Variants in OR2J2 observed in about 807,000 individuals in gnomAD.
OR2J2 encodes olfactory receptor 2J2.
In OR2J2, 13 loss-of-function variants were observed where a neutral mutation model predicts 16.9. The observed-to-expected ratio is 0.77, with a 90% CI of 0.50 to 1.23. The LOEUF (loss-of-function observed/expected upper bound fraction) is 1.23, where lower values mean the gene tolerates loss of function less well. Among genes scored for constraint, OR2J2 ranks in the 50% most tolerant of loss-of-function variants. OR2J2 has a pLI of 0.00. For missense variants in OR2J2, 341 were observed against 379.1 expected (o/e 0.90, Z 0.84); for synonymous variants, 125 against 141.2 (o/e 0.89, Z 0.81).
At chr6:29,173,090 AT>A (rs1429550249) in intron 1 of OR2J2, among the ~76,000 whole-genome samples, 2 of 152,098 alleles carry the variant, frequency 1.3e-5, no homozygotes, top group African/African-American at 4.8e-5. Flanking sequence ...TGATTTGTGC[AT>A]TATTTTATTT....
In OR2J2 at chr6:29,174,172, C is replaced by G; in HGVS notation, c.537C>G (p.Phe179Leu). The change falls in exon 2 of 2, where the codon TTC (phenylalanine) becomes TTG (leucine). Residue 179 changes from phenylalanine (F) to leucine (L), a missense_variant. By Grantham distance (22) the Phe-to-Leu change is conservative. Coordinates refer to ENST00000641417, the MANE Select transcript of OR2J2 (RefSeq NM_030905.3). ...LCGHRLVDHFFCEVPALLRLS... is the reference protein window; with the variant it reads ...LCGHRLVDHFLCEVPALLRLS... Reference sequence around the variant, plus strand: ...GACATCGCCTAGTGGATCACTTCTTCTGTGAAGTTCCAGCACTTCTGCGTT... The same window carrying G: ...GACATCGCCTAGTGGATCACTTCTTGTGTGAAGTTCCAGCACTTCTGCGTT... The G allele has an allele frequency of 1.9e-6, 3 of 1,613,828 alleles. No homozygotes were observed. Among genetic ancestry groups the G allele is most frequent in the African/African-American group, 1.3e-5 (1 of 74,954 alleles).
Position 29,173,987 on chromosome 6 carries a change from G to C in OR2J2, c.352G>C (p.Val118Leu). 1 of 1,612,234 alleles carries C rather than the reference G, an allele frequency of 6.2e-7. No homozygotes were observed. Among genetic ancestry groups the C allele is most frequent in the Non-Finnish European group, 8.5e-7 (1 of 1,179,546 alleles). Residue 118 changes from valine (V) to leucine (L), a missense_variant, in exon 2 of 2, where the codon GTG becomes CTG. Coordinates refer to ENST00000641417, the MANE Select transcript of OR2J2 (RefSeq NM_030905.3). ...LGITECVLLV[V>L]MSYDRYVAVC... ...AATCACAGAGTGTGTCCTACTGGTGGTGATGTCATATGATCGTTATGTAGC... is the reference window on the plus strand; with the variant it reads ...AATCACAGAGTGTGTCCTACTGGTGCTGATGTCATATGATCGTTATGTAGC...
At chr6:29,173,250 C>T in intron 1 of OR2J2, 1 of 169,602 alleles carries the variant, frequency 5.9e-6, no homozygotes, top group Non-Finnish European at 1.2e-5. Context: ...AGTAAGACTG[C>T]TGTTATTCCT....
chr6:29,170,988 G>A lies in OR2J2; in HGVS notation c.-135G>A, dbSNP rs980210073. 6.6e-6 allele frequency: 1 copy of A among 152,072 alleles called. No individual in the cohort carries two copies. The allele number at this position is 152,072 out of a possible 1,614,324, so 9.4% of individuals were successfully genotyped here. A position where few individuals can be genotyped will look rare whatever the true frequency, so the allele number is the denominator to read the frequency against. ...ACATTGGCAAAAATGTTATAAGAAG[G>A]CAATTAGGTTGATGTTTTTAGGTTG... is the stretch of plus-strand genomic sequence containing the variant. On this transcript the variant is annotated 5_prime_UTR_variant, in exon 1 of 2. Transcript: ENST00000641417.
Position 29,174,217 on chromosome 6 carries a change from T to G in OR2J2, c.582T>G (p.His194Gln). The part of the protein sequence containing the change: ...ALLRLSCVDT[H>Q]ANELTLMVMS... ...TGCGTTTATCATGTGTTGACACCCATGCAAATGAGCTGACCCTCATGGTCA... is the reference window on the plus strand; with the variant it reads ...TGCGTTTATCATGTGTTGACACCCAGGCAAATGAGCTGACCCTCATGGTCA... Residue 194 changes from histidine to glutamine, a missense_variant, in exon 2 of 2, where the codon CAT (histidine) becomes CAG (glutamine). Transcript: ENST00000641417. 6.2e-7 allele frequency: 1 copy of G among 1,613,846 alleles called. No homozygotes were observed. Among genetic ancestry groups the G allele is most frequent in the Non-Finnish European group, 8.5e-7 (1 of 1,179,938 alleles).
Position 29,175,418 on chromosome 6 carries a change from T to C in OR2J2, c.*844T>C, listed in dbSNP as rs1765802420. The stretch of plus-strand genomic sequence containing the variant: ...TAATGCTAATACATTAAGACAGCTT[T>C]TAAAAGTCAGAAACAATAAACTCTG... On this transcript the variant is annotated 3_prime_UTR_variant, in exon 2 of 2. Coordinates refer to ENST00000641417, the MANE Select transcript of OR2J2 (RefSeq NM_030905.3). 6.6e-6 allele frequency: 1 copy of C among 151,262 alleles called. No homozygotes were observed. The highest frequency in any genetic ancestry group is 2.5e-5 in the African/African-American group (1 of 40,650). The allele number at this position is 151,262 out of a possible 1,614,324, so 9.4% of individuals were successfully genotyped here. A position where few individuals can be genotyped will look rare whatever the true frequency, so the allele number is the denominator to read the frequency against.
In OR2J2 at chr6:29,173,661, C is replaced by T. The variant is rs200829397; in HGVS notation, c.26C>T (p.Ser9Leu). The T allele has an allele frequency of 5.6e-6, 9 of 1,604,510 alleles. No homozygotes were observed. The highest frequency in any genetic ancestry group is 5.2e-5 in the Admixed American group (3 of 57,582). MMIKKNAS[S>L]EDFFILLGFS... ...ATGATGATTAAAAAAAATGCAAGTTCGGAAGACTTCTTTATTCTACTTGGA... is the reference window on the plus strand; with the variant it reads ...ATGATGATTAAAAAAAATGCAAGTTTGGAAGACTTCTTTATTCTACTTGGA... The change falls in exon 2 of 2, where the codon TCG becomes TTG. Residue 9 changes from serine to leucine, a missense_variant. Transcript: ENST00000641417.
chr6:29,173,047 G>GT (rs1207162057), intron 1 of OR2J2, among the ~76,000 whole-genome samples: 2 of 152,088 alleles, frequency 1.3e-5, no homozygotes, highest in African/African-American at 4.8e-5. Context: ...ATTTTTATAA[G>GT]TTGGTGTGTG....
chr6:29,172,475 T>C (rs1765554313), intron 1 of OR2J2, among the ~76,000 whole-genome samples: 1 of 152,084 alleles, frequency 6.6e-6, no homozygotes, highest in South Asian at 2.1e-4. Context: ...CTGTATTTTA[T>C]TGCAAAAACT....
rs1362311260 is a variant in OR2J2 at position 29,174,085 on chromosome 6, G to A, written c.450G>A (p.Trp150Ter). The A allele has an allele frequency of 1.9e-6, 3 of 1,612,984 alleles. No homozygotes were observed. Among genetic ancestry groups the A allele is most frequent in the East Asian group, 4.5e-5 (2 of 44,836 alleles). The change falls in exon 2 of 2, where the codon TGG (tryptophan) becomes TGA (stop). Residue 150 changes from tryptophan (W) to a stop codon, truncating the protein, a stop_gained. Transcript: ENST00000641417. LOFTEE classifies it high-confidence loss of function. The stretch of plus-strand genomic sequence containing the variant: ...GCCACTTGTTGGTTGCGGCTTCTTG[G>A]GTAATTGGTTTTACTATCTCAGCAC... Reference protein sequence around the residue: ...RFCHLLVAASWVIGFTISALH... With the variant: ...RFCHLLVAAS
intron 1 of OR2J2, 28 bp from the exon 2 acceptor site, chr6:29,173,591 C>T: frequency 6.8e-7 from 1 of 1,463,902 alleles, no homozygotes; most frequent in Non-Finnish European, 9.3e-7. Context: ...CATGGACAGA[C>T]TTTGAGTTTA....
chr6:29,174,602 T>G lies in OR2J2; in HGVS notation c.*28T>G, dbSNP rs1765731317. ...GGGAAATCATGTTGTCTGTTGTCAT[T>G]GTTTTTCCTAGGGTCTTAGCCATCT... On this transcript the variant is annotated 3_prime_UTR_variant, in exon 2 of 2. Transcript: ENST00000641417. The G allele has an allele frequency of 3.2e-6, 5 of 1,543,622 alleles. No individual in the cohort carries two copies. The highest frequency in any genetic ancestry group is 4.4e-6 in the Non-Finnish European group (5 of 1,144,010).
chr6:29,171,284 A>G (rs901550125), intron 1 of OR2J2, among the ~76,000 whole-genome samples, 179 bp downstream of exon 1: 4 of 152,162 alleles, frequency 2.6e-5, no homozygotes, highest in Non-Finnish European at 5.9e-5. Flanking sequence ...TCAAAACATT[A>G]CAGTGTACTC....
At chr6:29,171,925 A>G (rs760338581) in intron 1 of OR2J2, among the ~76,000 whole-genome samples, 16 of 152,140 alleles carry the variant, frequency 1.1e-4, no homozygotes, top group Non-Finnish European at 2.4e-4. Context: ...GATTTGGCCC[A>G]AGTTCAATGT....
intron 1 of OR2J2, among the ~76,000 whole-genome samples, chr6:29,172,632 A>G (rs759799822): frequency 1.3e-4 from 20 of 152,278 alleles, no homozygotes; most frequent in Admixed American, 5.9e-4. Context: ...GATTTTATAC[A>G]ATGTTCACGT....
intron 1 of OR2J2, among the ~76,000 whole-genome samples, chr6:29,172,211 C>A (rs1010374258): frequency 2.0e-5 from 3 of 152,088 alleles, no homozygotes; most frequent in Non-Finnish European, 2.9e-5. Flanking sequence ...CACTACCATG[C>A]CTGCCTGGCT....
intron 1 of OR2J2, among the ~76,000 whole-genome samples, chr6:29,172,941 T>C (rs1765580583): frequency 6.6e-6 from 1 of 152,196 alleles, no homozygotes; most frequent in Non-Finnish European, 1.5e-5. Context: ...CTGTAATCTT[T>C]ATGTCTTCCA....
chr6:29,173,679 T>A lies in OR2J2; in HGVS notation c.44T>A (p.Leu15Gln). 1 of 1,612,582 alleles carries A rather than the reference T, an allele frequency of 6.2e-7. No individual in the cohort carries two copies. Among genetic ancestry groups the A allele is most frequent in the Middle Eastern group, 1.7e-4 (1 of 6,036 alleles). Residue 15 changes from leucine to glutamine, a missense_variant, in exon 2 of 2, where the codon CTA (leucine) becomes CAA (glutamine). Leu to Gln is a moderately radical substitution (Grantham distance 113). Coordinates refer to ENST00000641417, the MANE Select transcript of OR2J2 (RefSeq NM_030905.3). ...KNASSEDFFILLGFSNWPQLE... is the reference protein window; with the variant it reads ...KNASSEDFFIQLGFSNWPQLE... ...GCAAGTTCGGAAGACTTCTTTATTC[T>A]ACTTGGATTTTCTAATTGGCCTCAG...
rs1211470773 is a variant in OR2J2 at position 29,175,558 on chromosome 6, T to C, written c.*984T>C. 1 of 152,136 alleles carries C rather than the reference T, an allele frequency of 6.6e-6. No homozygotes were observed. The highest frequency in any genetic ancestry group is 1.5e-5 in the Non-Finnish European group (1 of 68,034). The allele number at this position is 152,136 out of a possible 1,614,324, so 9.4% of individuals were successfully genotyped here. On this transcript the variant is annotated 3_prime_UTR_variant, in exon 2 of 2. Transcript: ENST00000641417. The stretch of plus-strand genomic sequence containing the variant: ...ACTTTGGAAGGCCGAGTCAGGTGGA[T>C]CATGAGGTCAGGAGACCAAGACCAT...
Sources: gnomAD v4.1 joint callset for allele counts (sites outside exome capture counted in the v4.1 genomes callset) on GRCh38, gnomAD v4.1.1 for gene constraint, MANE v1.5 for transcripts, NCBI Gene and HGNC (gene_info 2026-07-23, HGNC 2026-07-21) for gene names.